Variants in SDK1 observed in about 807,000 individuals in gnomAD.
SDK1 encodes the protein sidekick cell adhesion molecule 1.
Under a neutral mutation model 245.5 loss-of-function variants are expected in SDK1, and 157 were observed. That is an observed-to-expected ratio of 0.64 (90% confidence interval 0.56 to 0.73). The LOEUF (loss-of-function observed/expected upper bound fraction) is 0.73. Ranked by LOEUF, SDK1 falls within the 30% of genes least tolerant of loss-of-function variation. The pLI, the probability that SDK1 is intolerant of heterozygous loss-of-function variation, is 0.00. For synonymous variants in SDK1, 1,647 were observed against 1,278.5 expected (o/e 1.29, Z -6.15); for missense variants, 3,583 against 3,002.3 (o/e 1.19, Z -4.52).
At position 4,220,712 on chromosome 7, in the gene SDK1, C is replaced by T. The variant is rs551040923; in HGVS notation, c.5701+442C>T. Among the ~76,000 whole-genome samples the T allele has an allele frequency of 9.9e-5, 15 of 152,188 alleles. No individual in the cohort carries two copies. The South Asian group carries it at 1.9e-3, about 19-fold the overall frequency. On this transcript the variant is annotated intron_variant, in intron 39 of 44. Transcript: ENST00000404826. The stretch of plus-strand genomic sequence containing the variant: ...GCATTCAGGGAGTGCTGCTTAGTCC[C>T]GGGCACAGTGTGGGGTGCCCTGCAC...
At chr7:3,717,344 G>A (rs1785233976) in intron 4 of SDK1, among the ~76,000 whole-genome samples, 1 of 152,142 alleles carries the variant, frequency 6.6e-6, no homozygotes, top group African/African-American at 2.4e-5. Flanking sequence ...TAATCCATGT[G>A]TCAAAGAAAG....
At chr7:3,653,239 T>C (rs2128656546) in intron 4 of SDK1, among the ~76,000 whole-genome samples, 1 of 152,296 alleles carries the variant, frequency 6.6e-6, no homozygotes, top group African/African-American at 2.4e-5. Context: ...TCTGAAGTCA[T>C]CCTGTGGGTC....
chr7:4,036,436 A>G (rs1027274430), intron 17 of SDK1, among the ~76,000 whole-genome samples: 6 of 152,224 alleles, frequency 3.9e-5, no homozygotes, highest in Non-Finnish European at 8.8e-5. Context: ...ATGCCGCTCT[A>G]CCAGTCTTCA....
At chr7:3,619,917 C>T (rs2128644889) in intron 2 of SDK1, among the ~76,000 whole-genome samples, 1 of 152,264 alleles carries the variant, frequency 6.6e-6, no homozygotes. Context: ...TTTGGAGCCT[C>T]AGGGTCTTAC....
chr7:3,623,605 C>G (rs1235176161), intron 2 of SDK1, among the ~76,000 whole-genome samples: 1 of 152,074 alleles, frequency 6.6e-6, no homozygotes, highest in Non-Finnish European at 1.5e-5. Context: ...ACTACATTAG[C>G]AAGTTGACGG....
At chr7:3,679,385 T>C (rs916576756) in intron 4 of SDK1, among the ~76,000 whole-genome samples, 2 of 151,826 alleles carry the variant, frequency 1.3e-5, no homozygotes, top group African/African-American at 2.4e-5. Flanking sequence ...GCTAACATGG[T>C]GAAACCCCGT....
intron 1 of SDK1, among the ~76,000 whole-genome samples, chr7:3,444,454 G>A (rs914927505): frequency 6.6e-6 from 1 of 152,140 alleles, no homozygotes; most frequent in Non-Finnish European, 1.5e-5. Context: ...GTCAATGGGT[G>A]ATTTCATGAT....
Position 3,467,890 on chromosome 7 carries a change from A to G in SDK1, c.299-151190A>G, listed in dbSNP as rs969989098. Among the ~76,000 whole-genome samples, 3 of 152,258 alleles carry G rather than the reference A, an allele frequency of 2.0e-5. No individual in the cohort carries two copies. The East Asian group carries it at 5.8e-4, about 29-fold the overall frequency. On this transcript the variant is annotated intron_variant, in intron 1 of 44. Transcript: ENST00000404826. ...GCTTGGAGGAATCTGAAAATGCATCACAAGTTTATTAGAGATCTTTTATGT... is the reference window on the plus strand; with the variant it reads ...GCTTGGAGGAATCTGAAAATGCATCGCAAGTTTATTAGAGATCTTTTATGT...
chr7:3,971,079 C>T (rs1782454348), intron 11 of SDK1, among the ~76,000 whole-genome samples: 1 of 152,192 alleles, frequency 6.6e-6, no homozygotes, highest in East Asian at 1.9e-4. Context: ...CAAACAAAAA[C>T]ACTTGACAGA....
chr7:3,886,187 C>T (rs999143950), intron 5 of SDK1, among the ~76,000 whole-genome samples: 5 of 152,294 alleles, frequency 3.3e-5, no homozygotes, highest in African/African-American at 1.2e-4. Flanking sequence ...GGGCCTTCTA[C>T]AGCAACTCCC....
chr7:3,522,631 T>G (rs569790720), intron 1 of SDK1, among the ~76,000 whole-genome samples: 1 of 152,184 alleles, frequency 6.6e-6, no homozygotes, highest in African/African-American at 2.4e-5. Context: ...TGGGCTGACC[T>G]TTGAACGACT....
intron 32 of SDK1, among the ~76,000 whole-genome samples, chr7:4,162,141 A>G (rs555559492): frequency 6.6e-6 from 1 of 152,150 alleles, no homozygotes; most frequent in Non-Finnish European, 1.5e-5. Context: ...GGCCAGTCTG[A>G]GAGCGTTGGA....
chr7:3,584,407 G>T (rs182879848), intron 1 of SDK1, among the ~76,000 whole-genome samples: 8 of 152,232 alleles, frequency 5.3e-5, no homozygotes, highest in Non-Finnish European at 1.0e-4. Flanking sequence ...ACCTTATTCT[G>T]ATTGAGCTTT....
chr7:3,835,774 T>C (rs1395202155), intron 5 of SDK1, among the ~76,000 whole-genome samples: 1 of 149,302 alleles, frequency 6.7e-6, no homozygotes, highest in Non-Finnish European at 1.5e-5. Context: ...CTCAGAGCTT[T>C]TGTTGGTGGA....
At chr7:3,437,771 A>G (rs980952114) in intron 1 of SDK1, among the ~76,000 whole-genome samples, 6 of 152,264 alleles carry the variant, frequency 3.9e-5, no homozygotes, top group African/African-American at 1.2e-4. Context: ...AATAATACTA[A>G]AAAAATTAGA....
In SDK1 at chr7:4,264,207, G is replaced by GGGAGGCCACGTAGACCTCTCCTGAGT. The variant is rs1562494369; in HGVS notation, c.6382-915_6382-914insAGGCCACGTAGACCTCTCCTGAGTGG. 2.2e-3 allele frequency among the ~76,000 whole-genome samples: 37 copies of GGGAGGCCACGTAGACCTCTCCTGAGT among 16,868 alleles called. 5 individuals carry two copies. Among genetic ancestry groups the GGGAGGCCACGTAGACCTCTCCTGAGT allele is most frequent in the African/African-American group, 0.015 (16 of 1,068 alleles). The allele number at this position is 16,868 out of a possible 152,430, so 11.1% of individuals were successfully genotyped here. On this transcript the variant is annotated intron_variant, in intron 44 of 44. Coordinates refer to ENST00000404826, the MANE Select transcript of SDK1 (RefSeq NM_152744.4). ...GAGGCCGCGTAGACCTCTCCTGAGT[G>GGGAGGCCACGTAGACCTCTCCTGAGT]GGGGAGGCCGCGTAGACCTCTCCTG... is the stretch of plus-strand genomic sequence containing the variant.
chr7:3,811,280 C>G (rs1285249741), intron 4 of SDK1, among the ~76,000 whole-genome samples: 2 of 152,174 alleles, frequency 1.3e-5, no homozygotes, highest in Non-Finnish European at 2.9e-5. Flanking sequence ...TTCCACTTCT[C>G]TTGCCCCACC....
chr7:3,691,224 A>G (rs537580890), intron 4 of SDK1, among the ~76,000 whole-genome samples: 1 of 152,346 alleles, frequency 6.6e-6, no homozygotes, highest in African/African-American at 2.4e-5. Flanking sequence ...TTTGCAAGAA[A>G]TAAAAAGGCT....
At chr7:3,827,110 C>G (rs1003875407) in intron 5 of SDK1, among the ~76,000 whole-genome samples, 1 of 152,154 alleles carries the variant, frequency 6.6e-6, no homozygotes, top group Non-Finnish European at 1.5e-5. Flanking sequence ...CTTAGGAAAT[C>G]TAATCTGTCT....
Sources: gnomAD v4.1 joint callset for allele counts (sites outside exome capture counted in the v4.1 genomes callset) on GRCh38, gnomAD v4.1.1 for gene constraint, MANE v1.5 for transcripts, NCBI Gene and HGNC (gene_info 2026-07-23, HGNC 2026-07-21) for gene names.